SLC24A2: variants seen among roughly 807,000 people sequenced by gnomAD.
The protein encoded by SLC24A2 is sodium/potassium/calcium exchanger 2.
A neutral mutation model predicts 62.0 loss-of-function variants in SLC24A2; 36 were observed. That is an observed-to-expected ratio of 0.58 (90% CI 0.44 to 0.77). The LOEUF (loss-of-function observed/expected upper bound fraction) is 0.77, where lower values mean the gene tolerates loss of function less well. Ranked by LOEUF, SLC24A2 falls within the 30% of genes least tolerant of loss-of-function variation. The pLI is 0.00. For missense variants in SLC24A2, 846 were observed against 817.9 expected (o/e 1.03, Z -0.42); for synonymous variants, 358 against 294.0 (o/e 1.22, Z -2.23).
In SLC24A2 at chr9:19,597,153, AG is replaced by A. The variant is rs1157899071; in HGVS notation, c.1129+75del. The A allele has an allele frequency of 4.1e-6, 4 of 964,116 alleles. No homozygotes were observed. The African/African-American group carries it at 6.5e-5, about 16-fold the overall frequency. The allele number at this position is 964,116 out of a possible 1,614,324, so 59.7% of individuals were successfully genotyped here. A position where few individuals can be genotyped will look rare whatever the true frequency, so the allele number is the denominator to read the frequency against. On this transcript the variant is annotated intron_variant, in intron 5 of 10. Coordinates refer to ENST00000341998, the MANE Select transcript of SLC24A2 (RefSeq NM_020344.4). Reference sequence around the variant, plus strand: ...TGAAGTCATGCAGAGAGGAAAAAAAAGAATAAAAAATGGGCAAGCAACAGAC... The same window carrying A: ...TGAAGTCATGCAGAGAGGAAAAAAAAAATAAAAAATGGGCAAGCAACAGAC...
chr9:20,040,739 C>A, the SLC24A2 span, among the ~76,000 whole-genome samples: 1 of 152,160 alleles, frequency 6.6e-6, no homozygotes, highest in African/African-American at 2.4e-5. Flanking sequence ...TGGCTATTTA[C>A]AATTATTTTT....
the SLC24A2 span, among the ~76,000 whole-genome samples, chr9:19,869,412 G>A: frequency 1.3e-5 from 2 of 152,034 alleles, no homozygotes; most frequent in South Asian, 4.1e-4. Context: ...TTTTTCTCTT[G>A]CTCCTTTCAA....
intron 2 of SLC24A2, among the ~76,000 whole-genome samples, chr9:19,783,622 A>T (rs989455622): frequency 2.0e-5 from 3 of 152,048 alleles, no homozygotes; most frequent in African/African-American, 7.3e-5. Context: ...CTGGGGGGGA[A>T]AACCTCCCTA....
the SLC24A2 span, among the ~76,000 whole-genome samples, chr9:20,212,788 A>G: frequency 1.3e-5 from 2 of 151,272 alleles, no homozygotes; most frequent in African/African-American, 4.9e-5. Context: ...TATATAAAAT[A>G]TGTGTAAATA....
At chr9:19,561,765 T>G (rs1167980417) in intron 7 of SLC24A2, among the ~76,000 whole-genome samples, 1 of 140,718 alleles carries the variant, frequency 7.1e-6, no homozygotes, top group Non-Finnish European at 1.5e-5. Flanking sequence ...AATCGTTGCT[T>G]GCCTGATGGT....
chr9:19,558,234 G>A (rs1423217809), intron 7 of SLC24A2, among the ~76,000 whole-genome samples: 1 of 152,038 alleles, frequency 6.6e-6, no homozygotes, highest in East Asian at 1.9e-4. Flanking sequence ...TGGAGAGTAG[G>A]GGCCACTGAG....
chr9:19,850,932 CATATATATATATACATATATATAT>C, the SLC24A2 span, among the ~76,000 whole-genome samples: 3 of 48,808 alleles, frequency 6.1e-5, no homozygotes, highest in Non-Finnish European at 1.3e-4. Context: ...CTCATGTGGG[CATATATATATATACATATATATAT>C]ATATATATAT....
At chr9:19,585,413 C>A (rs1385893689) in intron 5 of SLC24A2, among the ~76,000 whole-genome samples, 1 of 152,174 alleles carries the variant, frequency 6.6e-6, no homozygotes, top group Non-Finnish European at 1.5e-5. Context: ...TCTGGCATCA[C>A]AAGATGTTTC....
intron 2 of SLC24A2, among the ~76,000 whole-genome samples, chr9:19,727,717 A>G (rs1438112301): frequency 6.6e-6 from 1 of 152,238 alleles, no homozygotes; most frequent in Admixed American, 6.5e-5. Context: ...AAATTAATTT[A>G]TCTTAAGTGT....
intron 2 of SLC24A2, among the ~76,000 whole-genome samples, chr9:19,717,678 C>T (rs1230437181): frequency 6.6e-6 from 1 of 152,110 alleles, no homozygotes; most frequent in African/African-American, 2.4e-5. Context: ...TTGTTCTGGG[C>T]CTAATCTATT....
chr9:19,758,505 ATTT>A (rs1822213772), intron 2 of SLC24A2, among the ~76,000 whole-genome samples: 1 of 152,182 alleles, frequency 6.6e-6, no homozygotes. Flanking sequence ...AACTTTCCTT[ATTT>A]ATTTTCAGTA....
At chr9:19,886,554 C>T in the SLC24A2 span, among the ~76,000 whole-genome samples, 74 of 152,232 alleles carry the variant, frequency 4.9e-4, no homozygotes, top group African/African-American at 1.7e-3. Flanking sequence ...AGTCAAGAAA[C>T]AACAGATGCT....
Position 19,666,806 on chromosome 9 carries a change from A to G in SLC24A2, c.931-44507T>C, listed in dbSNP as rs1489444678. Among the ~76,000 whole-genome samples, 8 of 152,278 alleles carry G rather than the reference A, an allele frequency of 5.3e-5. No individual in the cohort carries two copies. The South Asian group carries it at 1.5e-3, about 28-fold the overall frequency. ...GAGGTTATAGTACTTGGTGCCTTTC[A>G]TGATTTCAGATGGTAAACTGCTTCC... On this transcript the variant is annotated intron_variant, in intron 2 of 10. Transcript: ENST00000341998.
the SLC24A2 span, among the ~76,000 whole-genome samples, chr9:19,831,115 C>T: frequency 2.0e-5 from 3 of 152,118 alleles, no homozygotes; most frequent in Admixed American, 1.3e-4. Flanking sequence ...GGGGTTCTGC[C>T]CTCATGACTT....
chr9:19,668,798 G>C (rs919703561), intron 2 of SLC24A2, among the ~76,000 whole-genome samples: 11 of 152,124 alleles, frequency 7.2e-5, no homozygotes, highest in African/African-American at 2.7e-4. Flanking sequence ...AGTTATTCCT[G>C]CAAGAATTTC....
At chr9:19,562,925 C>G (rs1164088776) in intron 7 of SLC24A2, among the ~76,000 whole-genome samples, 3 of 152,032 alleles carry the variant, frequency 2.0e-5, no homozygotes, top group Admixed American at 2.0e-4. Flanking sequence ...GGAAACACAG[C>G]AAGAACTATT....
At chr9:19,881,507 CA>C in the SLC24A2 span, among the ~76,000 whole-genome samples, 1 of 152,146 alleles carries the variant, frequency 6.6e-6, no homozygotes, top group Admixed American at 6.5e-5. Flanking sequence ...GATAGTGTTA[CA>C]GACTTGTATC....
At chr9:19,665,510 T>A (rs903638726) in intron 2 of SLC24A2, among the ~76,000 whole-genome samples, 1 of 152,094 alleles carries the variant, frequency 6.6e-6, no homozygotes, top group African/African-American at 2.4e-5. Context: ...GTGGTAGAAT[T>A]CTCTATGGAA....
At chr9:20,032,967 C>T in the SLC24A2 span, among the ~76,000 whole-genome samples, 1 of 152,154 alleles carries the variant, frequency 6.6e-6, no homozygotes, top group Admixed American at 6.5e-5. Flanking sequence ...GTATGCTTTG[C>T]CTTTTGGGGT....
Sources: allele counts gnomAD v4.1 joint callset (sites outside exome capture counted in the v4.1 genomes callset), GRCh38; gene constraint gnomAD v4.1.1; transcripts MANE v1.5; gene names NCBI Gene and HGNC (gene_info 2026-07-23, HGNC 2026-07-21).